DNER: variants seen among roughly 807,000 people sequenced by gnomAD.
DNER encodes the protein delta/notch like EGF repeat containing.
Under a neutral mutation model 78.2 loss-of-function variants are expected in DNER, and 33 were observed. The ratio of observed to expected loss-of-function variants is 0.42; its 90% CI spans 0.32 to 0.56. The LOEUF is 0.56. Ranked by LOEUF, DNER falls within the 20% of genes least tolerant of loss-of-function variation. DNER has a pLI of 0.11. For synonymous variants in DNER, 417 were observed against 384.8 expected, an observed-to-expected ratio of 1.08 and a Z score of -0.98; for missense variants, 918 against 975.3, an observed-to-expected ratio of 0.94 and a Z score of 0.78.
At chr2:229,611,320 T>C (rs1011531711) in intron 1 of DNER, among the ~76,000 whole-genome samples, 1 of 152,232 alleles carries the variant, frequency 6.6e-6, no homozygotes, top group African/African-American at 2.4e-5. Context: ...TGAAGCACTA[T>C]AAAAAATTTA....
intron 5 of DNER, among the ~76,000 whole-genome samples, chr2:229,539,219 T>C (rs1486325388): frequency 6.6e-6 from 1 of 152,164 alleles, no homozygotes; most frequent in Non-Finnish European, 1.5e-5. Flanking sequence ...AGGACCTTTG[T>C]GTTGCATTAA....
chr2:229,403,948 C>A (rs963344652), intron 10 of DNER, among the ~76,000 whole-genome samples: 6 of 152,038 alleles, frequency 3.9e-5, no homozygotes, highest in African/African-American at 1.2e-4. Context: ...TTCCTAAGGA[C>A]AATAAAATGC....
intron 6 of DNER, among the ~76,000 whole-genome samples, chr2:229,511,937 CT>C (rs1473548706): frequency 6.6e-6 from 1 of 152,184 alleles, no homozygotes; most frequent in Non-Finnish European, 1.5e-5. Context: ...TTGAAGCTGC[CT>C]TGTTCAACAG....
At chr2:229,700,508 T>C (rs1246552575) in intron 1 of DNER, among the ~76,000 whole-genome samples, 1 of 152,012 alleles carries the variant, frequency 6.6e-6, no homozygotes, top group Non-Finnish European at 1.5e-5. Flanking sequence ...GCTAATTTTT[T>C]GTGACATTAT....
At chr2:229,377,741 C>T (rs542374036) in intron 11 of DNER, among the ~76,000 whole-genome samples, 47 of 152,152 alleles carry the variant, frequency 3.1e-4, no homozygotes, top group African/African-American at 1.0e-3. Flanking sequence ...TAGGGTGATG[C>T]GTTAACAGAT....
At chr2:229,516,139 C>G (rs1695965914) in intron 5 of DNER, among the ~76,000 whole-genome samples, 1 of 152,188 alleles carries the variant, frequency 6.6e-6, no homozygotes, top group South Asian at 2.1e-4. Flanking sequence ...TTAACATATT[C>G]ATGACCATAA....
intron 10 of DNER, 68 bp downstream of exon 10, chr2:229,407,164 T>C: frequency 4.1e-6 from 6 of 1,449,702 alleles, no homozygotes; most frequent in Non-Finnish European, 5.7e-6. Flanking sequence ...GGATTTGGGT[T>C]TTTTTAACAT....
At chr2:229,582,508 G>T (rs1697418267) in intron 4 of DNER, among the ~76,000 whole-genome samples, 1 of 151,066 alleles carries the variant, frequency 6.6e-6, no homozygotes, top group African/African-American at 2.4e-5. Flanking sequence ...AGAAAATTTA[G>T]AAAGATATCA....
chr2:229,576,328 CTTTTTTTTT>C (rs61419138), intron 4 of DNER, among the ~76,000 whole-genome samples: 1 of 118,114 alleles, frequency 8.5e-6, no homozygotes, highest in Non-Finnish European at 1.8e-5. Flanking sequence ...GTTTCTCTCT[CTTTTTTTTT>C]TTTTTTTTTT....
chr2:229,439,080 G>A (rs937535506), intron 8 of DNER, among the ~76,000 whole-genome samples: 7 of 152,176 alleles, frequency 4.6e-5, no homozygotes, highest in African/African-American at 1.4e-4. Context: ...GGGGATTCAA[G>A]AAGCCAATTC....
intron 5 of DNER, among the ~76,000 whole-genome samples, chr2:229,518,685 T>C (rs1426307594): frequency 3.9e-5 from 6 of 152,224 alleles, no homozygotes; most frequent in African/African-American, 1.4e-4. Flanking sequence ...TATTCTCTTG[T>C]TCCTTTGGCA....
chr2:229,450,807 GA>G (rs1694438767), intron 7 of DNER, among the ~76,000 whole-genome samples: 2 of 152,234 alleles, frequency 1.3e-5, no homozygotes, highest in African/African-American at 4.8e-5. Flanking sequence ...CCAGCCTCCA[GA>G]ACTAGAAGTA....
At chr2:229,542,785 A>G (rs943065823) in intron 5 of DNER, among the ~76,000 whole-genome samples, 6 of 152,030 alleles carry the variant, frequency 3.9e-5, no homozygotes, top group Admixed American at 6.5e-5. Context: ...CAAAAAAAAA[A>G]AAAAAAAAAA....
At chr2:229,702,640 G>C (rs577093676) in intron 1 of DNER, among the ~76,000 whole-genome samples, 82 of 151,966 alleles carry the variant, frequency 5.4e-4, no homozygotes, top group Non-Finnish European at 1.1e-3. Context: ...GGTTCTGGCC[G>C]GGCACGGTGG....
intron 1 of DNER, among the ~76,000 whole-genome samples, chr2:229,629,497 A>G (rs538367607): frequency 6.6e-6 from 1 of 152,314 alleles, no homozygotes; most frequent in African/African-American, 2.4e-5. Flanking sequence ...CCCCATTTGA[A>G]TCAGCCAAGT....
chr2:229,509,137 G>A (rs1695810579), intron 6 of DNER, among the ~76,000 whole-genome samples: 1 of 152,024 alleles, frequency 6.6e-6, no homozygotes, highest in Admixed American at 6.6e-5. Context: ...CACAGACCGG[G>A]TGTTATCATC....
At chr2:229,499,951 T>G (rs1695583159) in intron 6 of DNER, among the ~76,000 whole-genome samples, 1 of 149,566 alleles carries the variant, frequency 6.7e-6, no homozygotes, top group Non-Finnish European at 1.5e-5. Flanking sequence ...TTTTTTCTCT[T>G]CAAGACAGAG....
At chr2:229,708,394 G>T (rs1430445815) in intron 1 of DNER, among the ~76,000 whole-genome samples, 1 of 152,210 alleles carries the variant, frequency 6.6e-6, no homozygotes, top group Non-Finnish European at 1.5e-5. Context: ...TGTTCAAGCT[G>T]CCAGGTCAGT....
chr2:229,678,771 C>T (rs1010950230), intron 1 of DNER, among the ~76,000 whole-genome samples: 5 of 152,150 alleles, frequency 3.3e-5, no homozygotes, highest in African/African-American at 9.7e-5. Context: ...GGCAGTATAC[C>T]GTCACATGAC....
Sources: gnomAD v4.1 joint callset for allele counts (sites outside exome capture counted in the v4.1 genomes callset) on GRCh38, gnomAD v4.1.1 for gene constraint, MANE v1.5 for transcripts, NCBI Gene and HGNC (gene_info 2026-07-23, HGNC 2026-07-21) for gene names.